CAMKK2: variants seen among roughly 807,000 people sequenced by gnomAD.
CAMKK2 encodes the protein calcium/calmodulin dependent protein kinase kinase 2, also known as calcium/calmodulin-dependent protein kinase kinase 2.
Under a neutral mutation model 67.2 loss-of-function variants are expected in CAMKK2, and 30 were observed. The ratio of observed to expected loss-of-function variants is 0.45; its 90% CI spans 0.33 to 0.61. The LOEUF (loss-of-function observed/expected upper bound fraction) is 0.61, where lower values mean the gene tolerates loss of function less well. CAMKK2 is among the 20% of genes least tolerant of loss of function. The probability of loss-of-function intolerance (pLI) is 0.02; values close to 1 mark genes in which losing one functional copy is unlikely to be tolerated. For missense variants in CAMKK2, 643 were observed against 802.0 expected, an observed-to-expected ratio of 0.80 and a Z score of 2.39; for synonymous variants, 322 against 326.2, an observed-to-expected ratio of 0.99 and a Z score of 0.14.
rs750925332 is a variant in CAMKK2 at position 121,240,657 on chromosome 12, G to A, written c.*42C>T. On this transcript the variant is annotated 3_prime_UTR_variant, in exon 17 of 17. Transcript: ENST00000404169. The surrounding 1 kb of genome is among the most constrained non-coding windows in gnomAD (Gnocchi z 4.4). Reference sequence around the variant, plus strand: ...GGAAACGCGGTGCAGCAGCCCCCCAGAGGCGACGCGGCGCGCATGCGAGGT... The same window carrying A: ...GGAAACGCGGTGCAGCAGCCCCCCAAAGGCGACGCGGCGCGCATGCGAGGT... 3.9e-6 allele frequency: 6 copies of A among 1,551,412 alleles called. No homozygotes were observed. Among genetic ancestry groups the A allele is most frequent in the African/African-American group, 1.4e-5 (1 of 73,314 alleles).
chr12:121,247,839 AG>A, intron 14 of CAMKK2, among the ~76,000 whole-genome samples: 1 of 152,118 alleles, frequency 6.6e-6, no homozygotes, highest in Admixed American at 6.5e-5. Context: ...TCCCTCCCAG[AG>A]CCCAGGGGCC....
At chr12:121,249,466 G>A (rs3794203) in intron 13 of CAMKK2, among the ~76,000 whole-genome samples, 24,052 of 152,208 alleles carry the variant, frequency 0.16, 2,102 homozygotes, top group East Asian at 0.26. Context: ...CCTTTGGAAA[G>A]GACCTGAGCT....
intron 5 of CAMKK2, among the ~76,000 whole-genome samples, chr12:121,264,776 A>AAATAATAAT (rs57906202): frequency 0.052 from 7,226 of 139,864 alleles, 247 homozygotes; most frequent in African/African-American, 0.093. Context: ...TCAGTCTCAA[A>AAATAATAAT]AATAATAATA....
intron 14 of CAMKK2, among the ~76,000 whole-genome samples, chr12:121,246,163 T>C (rs1319449098): frequency 1.3e-5 from 2 of 151,058 alleles, no homozygotes; most frequent in Non-Finnish European, 2.9e-5. Flanking sequence ...GAGGAGATAA[T>C]TGCATGTCAC....
In CAMKK2 at chr12:121,245,244, A is replaced by G. The variant is rs1322126152; in HGVS notation, c.1453-4T>C. Reference sequence around the variant, plus strand: ...GTATCATGGTCTTCACCAGGATCTGAAGAGGGAGAAAAGAGGAGGTGGCAG... The same window carrying G: ...GTATCATGGTCTTCACCAGGATCTGGAGAGGGAGAAAAGAGGAGGTGGCAG... On this transcript the variant is annotated splice_region_variant and splice_polypyrimidine_tract_variant and intron_variant, in intron 14 of 16. Coordinates refer to ENST00000404169, the MANE Select transcript of CAMKK2 (RefSeq NM_001270485.2). This position sits in a 1 kb window ranked among gnomAD's most constrained non-coding sequence, Gnocchi z 5.8. 3.8e-6 allele frequency: 6 copies of G among 1,587,340 alleles called. No individual in the cohort carries two copies. Among genetic ancestry groups the G allele is most frequent in the Non-Finnish European group, 5.2e-6 (6 of 1,162,122 alleles).
chr12:121,277,448 A>G (rs550813508), intron 1 of CAMKK2, among the ~76,000 whole-genome samples: 1 of 152,356 alleles, frequency 6.6e-6, no homozygotes, highest in East Asian at 1.9e-4. Flanking sequence ...TCATAGCAAC[A>G]TCATTCACAA....
At chr12:121,273,631 C>T (rs1896191399) in intron 2 of CAMKK2, among the ~76,000 whole-genome samples, 1 of 152,074 alleles carries the variant, frequency 6.6e-6, no homozygotes, top group South Asian at 2.1e-4. Flanking sequence ...TGGAGGCTCC[C>T]TCCGGCCCTG....
At chr12:121,277,344 C>T (rs1030306322) in intron 1 of CAMKK2, among the ~76,000 whole-genome samples, 1 of 152,170 alleles carries the variant, frequency 6.6e-6, no homozygotes, top group African/African-American at 2.4e-5. Flanking sequence ...AAAAGTTAAA[C>T]GTAGAGTTGC....
upstream of CAMKK2, chr12:121,297,584 A>C (rs1041028839): frequency 1.9e-6 from 1 of 516,422 alleles, no homozygotes; most frequent in Non-Finnish European, 3.9e-6. Context: ...GCTGGATAAC[A>C]GCACTGTGCG....
In CAMKK2 at chr12:121,240,517, T is replaced by A. The variant is rs1373448077; in HGVS notation, c.*182A>T. On this transcript the variant is annotated 3_prime_UTR_variant, in exon 17 of 17. Coordinates refer to ENST00000404169, the MANE Select transcript of CAMKK2 (RefSeq NM_001270485.2). The surrounding 1 kb of genome is among the most constrained non-coding windows in gnomAD (Gnocchi z 4.4). ...AGCGGCCACGGTCGACGTCATGGAG[T>A]CAAGTCCTTTTTTTTTTTTTGTCCC... 1 of 1,521,848 alleles carries A rather than the reference T, an allele frequency of 6.6e-7. No individual in the cohort carries two copies. The highest frequency in any genetic ancestry group is 8.7e-7 in the Non-Finnish European group (1 of 1,142,934). The allele number at this position is 1,521,848 out of a possible 1,614,324, so 94.3% of individuals were successfully genotyped here. A position where few individuals can be genotyped will look rare whatever the true frequency, so the allele number is the denominator to read the frequency against.
chr12:121,290,028 G>C (rs1324098064), intron 1 of CAMKK2, among the ~76,000 whole-genome samples: 1 of 152,170 alleles, frequency 6.6e-6, no homozygotes, highest in Non-Finnish European at 1.5e-5. Flanking sequence ...AATGGTGCCA[G>C]ACCTACCTAA....
At position 121,274,384 on chromosome 12, in the gene CAMKK2, C is replaced by G. The variant is rs765037782; in HGVS notation, c.143G>C (p.Gly48Ala). The change falls in exon 2 of 17, where the codon GGC becomes GCC. Residue 48 changes from glycine (G) to alanine (A), a missense_variant. Gly to Ala is a moderately conservative substitution (Grantham distance 60, BLOSUM62 0). Coordinates refer to ENST00000404169, the MANE Select transcript of CAMKK2 (RefSeq NM_001270485.2). ...RGLSSLSIHL[G>A]MESFIVVTEC... Reference sequence around the variant, plus strand: ...GGTGACCACAATGAAGGACTCCATGCCCAGGTGGATGCTCAAGGATGAGAG... The same window carrying G: ...GGTGACCACAATGAAGGACTCCATGGCCAGGTGGATGCTCAAGGATGAGAG... The G allele has an allele frequency of 6.2e-7, 1 of 1,613,520 alleles. No individual in the cohort carries two copies. The highest frequency in any genetic ancestry group is 1.1e-5 in the South Asian group (1 of 91,090).
At chr12:121,246,485 G>A (rs1335634499) in intron 14 of CAMKK2, among the ~76,000 whole-genome samples, 4 of 152,012 alleles carry the variant, frequency 2.6e-5, no homozygotes, top group Non-Finnish European at 5.9e-5. Context: ...GGCGGAGGTT[G>A]CAGTGAGCCA....
chr12:121,240,507 C>G lies in CAMKK2; in HGVS notation c.*192G>C. ...CCAGCCAGCCAGCGGCCACGGTCGA[C>G]GTCATGGAGTCAAGTCCTTTTTTTT... On this transcript the variant is annotated 3_prime_UTR_variant, in exon 17 of 17. Coordinates refer to ENST00000404169, the MANE Select transcript of CAMKK2 (RefSeq NM_001270485.2). The surrounding 1 kb of genome is among the most constrained non-coding windows in gnomAD (Gnocchi z 4.4). 1.3e-6 allele frequency: 2 copies of G among 1,534,866 alleles called. No individual in the cohort carries two copies. The highest frequency in any genetic ancestry group is 1.2e-5 in the South Asian group (1 of 84,006).
chr12:121,258,953 G>A (rs1053703896), intron 7 of CAMKK2, among the ~76,000 whole-genome samples: 87 of 150,214 alleles, frequency 5.8e-4, no homozygotes, highest in African/African-American at 2.1e-3. Context: ...AGTGATTCTC[G>A]TGCCTCAGCC....
chr12:121,277,425 T>A (rs543615204), intron 1 of CAMKK2, among the ~76,000 whole-genome samples: 1 of 152,320 alleles, frequency 6.6e-6, no homozygotes, highest in South Asian at 2.1e-4. Flanking sequence ...AACGGATACT[T>A]GTACACTAAT....
In CAMKK2 at chr12:121,240,823, CG is replaced by C; in HGVS notation, c.1642del (p.Arg548ValfsTer9). The C allele has an allele frequency of 1.2e-6, 2 of 1,611,700 alleles. No individual in the cohort carries two copies. Among genetic ancestry groups the C allele is most frequent in the Admixed American group, 1.7e-5 (1 of 59,644 alleles). On this transcript the variant is annotated frameshift_variant, in exon 17 of 17. Transcript: ENST00000404169. LOFTEE classifies it low-confidence loss of function (END_TRUNC). The surrounding 1 kb of genome is among the most constrained non-coding windows in gnomAD (Gnocchi z 4.4). Reference protein sequence around the residue: ...RQPPGHRPAPRGGGGSALVRG... With the variant: ...RQPPGHRPAPXGGGGSALVRG... Reference sequence around the variant, plus strand: ...CACAAGAGCACTTCCTCCTCCCCCACGGGGGGCGGGTCGGTGCCCTGGAGGT... The same window carrying C: ...CACAAGAGCACTTCCTCCTCCCCCACGGGGGCGGGTCGGTGCCCTGGAGGT...
In CAMKK2 at chr12:121,273,947, G is replaced by A. The variant is rs555277088; in HGVS notation, c.471+109C>T. The stretch of plus-strand genomic sequence containing the variant: ...CCTGGAGTCAACTCCTAGGTCAACC[G>A]TGGCACTCAGATCCTTCTGGGGGAG... On this transcript the variant is annotated intron_variant, in intron 2 of 16. Transcript: ENST00000404169. The A allele has an allele frequency of 2.3e-4, 204 of 874,174 alleles. No individual in the cohort carries two copies. The African/African-American group carries it at 2.8e-3, about 12-fold the overall frequency. 54.2% of individuals were successfully genotyped at this position (874,174 alleles called of 1,614,324 possible). A position where few individuals can be genotyped will look rare whatever the true frequency, so the allele number is the denominator to read the frequency against.
At chr12:121,293,671 C>T (rs1048700348) in intron 1 of CAMKK2, among the ~76,000 whole-genome samples, 2 of 151,814 alleles carry the variant, frequency 1.3e-5, no homozygotes, top group Non-Finnish European at 2.9e-5. Flanking sequence ...CCCCCGGCTA[C>T]TGCACAAAGT....
Sources: gnomAD v4.1 joint callset for allele counts (sites outside exome capture counted in the v4.1 genomes callset) on GRCh38, gnomAD v4.1.1 for gene constraint, Gnocchi (gnomAD v3.1) non-coding constraint, MANE v1.5 for transcripts, NCBI Gene and HGNC (gene_info 2026-07-23, HGNC 2026-07-21) for gene names.